PLD5: variants seen among roughly 807,000 people sequenced by gnomAD.
PLD5 encodes phospholipase D family member 5, also known as inactive phospholipase D5.
A neutral mutation model predicts 61.1 loss-of-function variants in PLD5; 36 were observed. The ratio of observed to expected loss-of-function variants is 0.59; its 90% confidence interval spans 0.45 to 0.78. The LOEUF (loss-of-function observed/expected upper bound fraction) is 0.78. Among genes scored for constraint, PLD5 ranks in the 30% least tolerant of loss-of-function variants. The pLI, the probability that PLD5 is intolerant of heterozygous loss-of-function variation, is 0.00. For missense variants in PLD5, 515 were observed against 644.4 expected (o/e 0.80, Z 2.17); for synonymous variants, 243 against 242.8 (o/e 1.00, Z -0.01).
At chr1:242,206,416 C>T (rs316864) in intron 5 of PLD5, among the ~76,000 whole-genome samples, 32,262 of 152,030 alleles carry the variant, frequency 0.21, 3,964 homozygotes, top group African/African-American at 0.32. Context: ...AGAAGCAGAA[C>T]CAACAGGATA....
chr1:242,190,398 G>C (rs1001710889), intron 5 of PLD5, among the ~76,000 whole-genome samples: 1 of 151,334 alleles, frequency 6.6e-6, no homozygotes, highest in African/African-American at 2.4e-5. Flanking sequence ...CGCCCACCTC[G>C]GCCTCCCAAA....
chr1:242,398,257 G>A (rs942963336), intron 1 of PLD5, among the ~76,000 whole-genome samples: 1 of 152,112 alleles, frequency 6.6e-6, no homozygotes, highest in Non-Finnish European at 1.5e-5. Flanking sequence ...TCATATGCAG[G>A]CCAAGGGAAG....
intron 5 of PLD5, among the ~76,000 whole-genome samples, chr1:242,218,002 C>T (rs117946560): frequency 1.3e-5 from 2 of 152,168 alleles, no homozygotes; most frequent in African/African-American, 4.8e-5. Flanking sequence ...AGGACTGACT[C>T]CAATTTTGAA....
chr1:242,426,394 G>T lies in PLD5; in HGVS notation c.190-78152C>A, dbSNP rs1205241204. ...AAGTATACAGTAAATACATAAAGCA[G>T]CAACATCACCATTTCCTGTCATTAT... On this transcript the variant is annotated intron_variant, in intron 1 of 9. Transcript: ENST00000536534. 2.0e-5 allele frequency among the ~76,000 whole-genome samples: 3 copies of T among 151,418 alleles called. No homozygotes were observed. The East Asian group carries it at 5.8e-4, about 29-fold the overall frequency.
At chr1:242,387,825 G>C (rs1662689436) in intron 1 of PLD5, among the ~76,000 whole-genome samples, 1 of 151,802 alleles carries the variant, frequency 6.6e-6, no homozygotes, top group South Asian at 2.1e-4. Context: ...AAAAAGTATG[G>C]ACAACTCTTT....
In PLD5 at chr1:242,466,870, G is replaced by A. The variant is rs1003717634; in HGVS notation, c.189+57218C>T. ...ATTGCGCCACTGCACTCCAGCCTGC[G>A]GTACAGAGTGAGACTCCATCTCAAA... On this transcript the variant is annotated intron_variant, in intron 1 of 9. Transcript: ENST00000536534. Among the ~76,000 whole-genome samples, 23 of 151,092 alleles carry A rather than the reference G, an allele frequency of 1.5e-4. No homozygotes were observed. In the East Asian group the frequency reaches 3.7e-3, roughly 24 times the overall value.
At chr1:242,310,982 T>C (rs186766411) in intron 2 of PLD5, among the ~76,000 whole-genome samples, 1 of 152,188 alleles carries the variant, frequency 6.6e-6, no homozygotes, top group South Asian at 2.1e-4. Flanking sequence ...TATTTTTTAA[T>C]TTTTACTTCT....
rs1182436048 is a variant in PLD5 at position 242,088,028 on chromosome 1, C to G, written c.*1826G>C. 6.6e-6 allele frequency: 1 copy of G among 152,222 alleles called. No individual in the cohort carries two copies. Among genetic ancestry groups the G allele is most frequent in the Non-Finnish European group, 1.5e-5 (1 of 68,042 alleles). 9.4% of individuals were successfully genotyped at this position (152,222 alleles called of 1,614,324 possible). A position where few individuals can be genotyped will look rare whatever the true frequency, so the allele number is the denominator to read the frequency against. On this transcript the variant is annotated 3_prime_UTR_variant, in exon 10 of 10. Coordinates refer to ENST00000536534, the MANE Select transcript of PLD5 (RefSeq NM_001372062.1). ...AGAAGGGAAGTAATGTGATCACTCA[C>G]TGGATAACCAACATAGCCATTCTAT...
At chr1:242,416,435 G>A (rs1055853849) in intron 1 of PLD5, among the ~76,000 whole-genome samples, 6 of 152,156 alleles carry the variant, frequency 3.9e-5, no homozygotes, top group Non-Finnish European at 8.8e-5. Flanking sequence ...GAAGGATTCA[G>A]TATGTTACAT....
intron 7 of PLD5, among the ~76,000 whole-genome samples, chr1:242,108,142 C>A (rs955215202): frequency 6.6e-6 from 1 of 152,132 alleles, no homozygotes; most frequent in Non-Finnish European, 1.5e-5. Context: ...ACATCTCTGA[C>A]GCTACCTGGG....
intron 1 of PLD5, among the ~76,000 whole-genome samples, chr1:242,508,485 T>C (rs1296924875): frequency 2.0e-5 from 3 of 152,170 alleles, no homozygotes. Flanking sequence ...TGAGGAGCTC[T>C]TCACCACGCT....
chr1:242,276,198 C>T, intron 3 of PLD5, among the ~76,000 whole-genome samples: 1 of 150,856 alleles, frequency 6.6e-6, no homozygotes, highest in Non-Finnish European at 1.5e-5. Flanking sequence ...ATCAGCTGGG[C>T]ATGGTGGCAC....
chr1:242,113,286 G>T (rs1216875758), intron 7 of PLD5, among the ~76,000 whole-genome samples: 2 of 151,984 alleles, frequency 1.3e-5, no homozygotes, highest in East Asian at 3.9e-4. Flanking sequence ...GTGGAGACGG[G>T]GTTTCACCAT....
chr1:242,466,611 G>T (rs1044230416), intron 1 of PLD5, among the ~76,000 whole-genome samples: 1 of 152,162 alleles, frequency 6.6e-6, no homozygotes, highest in South Asian at 2.1e-4. Flanking sequence ...AGTGGAGCTC[G>T]GCTGGGCGCG....
At chr1:242,326,921 AGTG>A (rs903367419) in intron 2 of PLD5, among the ~76,000 whole-genome samples, 86 of 151,564 alleles carry the variant, frequency 5.7e-4, no homozygotes, top group African/African-American at 1.8e-3. Context: ...GCTGGAGTGC[AGTG>A]GTGCAATCTC....
intron 2 of PLD5, among the ~76,000 whole-genome samples, chr1:242,291,808 AAAAC>A (rs1008755771): frequency 1.3e-5 from 2 of 152,140 alleles, no homozygotes; most frequent in East Asian, 1.9e-4. Context: ...CTCTGTCTCA[AAAAC>A]AAACAAACAA....
intron 4 of PLD5, among the ~76,000 whole-genome samples, chr1:242,259,291 G>A: frequency 7.8e-6 from 1 of 127,568 alleles, no homozygotes; most frequent in Non-Finnish European, 1.8e-5. Context: ...CCTGGGTGAT[G>A]GAGCAAGACA....
chr1:242,479,077 T>C (rs1667686633), intron 1 of PLD5, among the ~76,000 whole-genome samples: 1 of 152,216 alleles, frequency 6.6e-6, no homozygotes, highest in Non-Finnish European at 1.5e-5. Context: ...AATTCTGTCT[T>C]CTGGCTCTGA....
chr1:242,222,184 G>A (rs539086302), intron 4 of PLD5, among the ~76,000 whole-genome samples: 3 of 149,678 alleles, frequency 2.0e-5, no homozygotes, highest in African/African-American at 4.9e-5. Flanking sequence ...TGAAGGTCCC[G>A]CCCCCCACTA....
Sources: allele counts gnomAD v4.1 joint callset (sites outside exome capture counted in the v4.1 genomes callset), GRCh38; gene constraint gnomAD v4.1.1; transcripts MANE v1.5; gene names NCBI Gene and HGNC (gene_info 2026-07-23, HGNC 2026-07-21).